Variants in PGM5 observed in about 807,000 individuals in gnomAD.
PGM5 encodes phosphoglucomutase-like protein 5.
A neutral mutation model predicts 59.2 loss-of-function variants in PGM5; 23 were observed. The ratio of observed to expected loss-of-function variants is 0.39; its 90% confidence interval spans 0.28 to 0.55. The LOEUF is 0.55. PGM5 is among the 20% of genes least tolerant of loss of function. The pLI is 0.66. For synonymous variants in PGM5, 214 were observed against 286.0 expected (o/e 0.75, Z 2.54); for missense variants, 574 against 748.3 (o/e 0.77, Z 2.72).
intron 9 of PGM5, among the ~76,000 whole-genome samples, chr9:68,485,854 G>T (rs1824285688): frequency 6.6e-6 from 1 of 152,142 alleles, no homozygotes; most frequent in African/African-American, 2.4e-5. Flanking sequence ...CTTCTTTGCA[G>T]GTCTGGGTTT....
At chr9:68,456,729 A>T (rs1672588273) in intron 6 of PGM5, among the ~76,000 whole-genome samples, 1 of 147,160 alleles carries the variant, frequency 6.8e-6, no homozygotes, top group Non-Finnish European at 1.5e-5. Flanking sequence ...GGTTCAAGTG[A>T]TTCTCCTGCC....
intron 6 of PGM5, among the ~76,000 whole-genome samples, chr9:68,418,687 C>T (rs1823077457): frequency 6.6e-6 from 1 of 152,032 alleles, no homozygotes; most frequent in African/African-American, 2.4e-5. Context: ...TGTGATGGCT[C>T]CTTCTGAATG....
At chr9:68,476,129 A>T (rs1289942083) in intron 7 of PGM5, among the ~76,000 whole-genome samples, 1 of 152,232 alleles carries the variant, frequency 6.6e-6, no homozygotes. Flanking sequence ...CGAAAGCTGC[A>T]TGATATTTTT....
intron 6 of PGM5, among the ~76,000 whole-genome samples, chr9:68,446,445 G>A (rs1823613392): frequency 6.6e-6 from 1 of 152,242 alleles, no homozygotes; most frequent in African/African-American, 2.4e-5. Flanking sequence ...CATGGGCAAG[G>A]CCCATTAGGG....
At chr9:68,498,113 T>A (rs1203953778) in intron 9 of PGM5, 2 of 152,230 alleles carry the variant, frequency 1.3e-5, no homozygotes, top group African/African-American at 4.8e-5. Context: ...AGCTGGGAAC[T>A]GGGTCACGCA....
intron 6 of PGM5, among the ~76,000 whole-genome samples, chr9:68,460,331 G>A (rs915216075): frequency 2.6e-5 from 4 of 152,188 alleles, no homozygotes; most frequent in Non-Finnish European, 4.4e-5. Context: ...TGCAAAGGTG[G>A]ATATGTCAGC....
intron 7 of PGM5, among the ~76,000 whole-genome samples, chr9:68,470,260 C>G (rs1032976079): frequency 6.6e-6 from 1 of 152,136 alleles, no homozygotes; most frequent in Non-Finnish European, 1.5e-5. Flanking sequence ...TAGGTTCCAG[C>G]TTTAGTGATC....
rs1834572302 is a variant in PGM5, at chr9:68,361,198, G to A, written c.261+3810G>A. 2.6e-5 allele frequency among the ~76,000 whole-genome samples: 4 copies of A among 152,276 alleles called. No individual in the cohort carries two copies. In the South Asian group the frequency reaches 8.3e-4, roughly 32 times the overall value. Reference sequence around the variant, plus strand: ...CTCCCTGAAATATCTTTTGTGGCTGGTTTGTTCAAATTAGTTTCTTCTAAT... The same window carrying A: ...CTCCCTGAAATATCTTTTGTGGCTGATTTGTTCAAATTAGTTTCTTCTAAT... On this transcript the variant is annotated intron_variant, in intron 1 of 10. Transcript: ENST00000396396.
chr9:68,381,492 A>G (rs1241423548), intron 2 of PGM5, among the ~76,000 whole-genome samples: 2 of 152,078 alleles, frequency 1.3e-5, no homozygotes, highest in African/African-American at 2.4e-5. Context: ...TGCTATTTCT[A>G]TTCAACATAG....
chr9:68,506,597 AAAT>A (rs1224648010), intron 10 of PGM5, among the ~76,000 whole-genome samples: 7 of 152,230 alleles, frequency 4.6e-5, no homozygotes, highest in African/African-American at 1.4e-4. Context: ...AACATTATGA[AAAT>A]AATAATGTTC....
At chr9:68,381,996 A>G (rs1822088944) in intron 2 of PGM5, among the ~76,000 whole-genome samples, 1 of 151,976 alleles carries the variant, frequency 6.6e-6, no homozygotes, top group Admixed American at 6.6e-5. Flanking sequence ...CCCTATCAAA[A>G]TTTCAATAAC....
At chr9:68,425,081 G>A (rs1465104906) in intron 6 of PGM5, among the ~76,000 whole-genome samples, 4 of 152,126 alleles carry the variant, frequency 2.6e-5, no homozygotes, top group Admixed American at 1.3e-4. Context: ...ATTATAATGG[G>A]AGATCATCTT....
At chr9:68,484,676 A>C (rs1443647424) in intron 9 of PGM5, among the ~76,000 whole-genome samples, 11 of 152,074 alleles carry the variant, frequency 7.2e-5, no homozygotes, top group African/African-American at 2.7e-4. Context: ...CAATATGTCA[A>C]ATAAATACAG....
intron 6 of PGM5, among the ~76,000 whole-genome samples, chr9:68,414,517 A>G (rs1329414617): frequency 2.6e-5 from 4 of 151,790 alleles, no homozygotes; most frequent in African/African-American, 7.3e-5. Flanking sequence ...ACTGTGAACA[A>G]CCCTCCTTTC....
At chr9:68,410,598 C>A (rs1233373687) in intron 6 of PGM5, among the ~76,000 whole-genome samples, 1 of 151,666 alleles carries the variant, frequency 6.6e-6, no homozygotes, top group Non-Finnish European at 1.5e-5. Flanking sequence ...GAATATCTAC[C>A]AGAGAAAATA....
chr9:68,389,223 A>G lies in PGM5; in HGVS notation c.697+1635A>G, dbSNP rs2989677. On this transcript the variant is annotated intron_variant, in intron 4 of 10. Transcript: ENST00000396396. The stretch of plus-strand genomic sequence containing the variant: ...ATCCTAGTTATGTTTCATGGATACC[A>G]TATCTTTTTAAACTTAGGTTTACTG... Among the ~76,000 whole-genome samples the G allele has an allele frequency of 2.9e-3, 447 of 152,210 alleles. 1 individual carries two copies. The highest frequency in any genetic ancestry group is 0.01 in the African/African-American group (426 of 41,554).
At chr9:68,474,380 C>G (rs1450678704) in intron 7 of PGM5, among the ~76,000 whole-genome samples, 2 of 152,074 alleles carry the variant, frequency 1.3e-5, no homozygotes, top group Non-Finnish European at 2.9e-5. Context: ...GCTGATGTGT[C>G]CATACTGGTG....
At chr9:68,387,161 A>T (rs1822242702) in intron 3 of PGM5, among the ~76,000 whole-genome samples, 1 of 152,004 alleles carries the variant, frequency 6.6e-6, no homozygotes, top group Admixed American at 6.6e-5. Flanking sequence ...TGGGAGCAGG[A>T]GTAACAGGGC....
Position 68,484,030 on chromosome 9 carries a change from C to T in PGM5, c.1461C>T (p.Gly487=). 6.2e-7 allele frequency: 1 copy of T among 1,613,352 alleles called. No individual in the cohort carries two copies. Among genetic ancestry groups the T allele is most frequent in the Non-Finnish European group, 8.5e-7 (1 of 1,179,894 alleles). The change falls in exon 9 of 11, where the codon GGC becomes GGT. Residue 487 remains glycine (G), a synonymous_variant. Coordinates refer to ENST00000396396, the MANE Select transcript of PGM5 (RefSeq NM_021965.4). The stretch of plus-strand genomic sequence containing the variant: ...TTGAATACGTGGACCCTGTGGATGG[C>T]ACTGTGACCAAGAAACAGGTACTTG... ...DSFEYVDPVD[G]TVTKKQGLRI...
Sources: gnomAD v4.1 joint callset for allele counts (sites outside exome capture counted in the v4.1 genomes callset) on GRCh38, gnomAD v4.1.1 for gene constraint, MANE v1.5 for transcripts, NCBI Gene and HGNC (gene_info 2026-07-23, HGNC 2026-07-21) for gene names.